The following ZNF236 variants were observed in gnomAD, a reference collection of about 807,000 sequenced individuals.
The protein encoded by ZNF236 is zinc finger protein 236, also known as regulated by glucose.
ZNF236 carries 50 observed loss-of-function variants against 191.2 expected under a neutral mutation model. That is an observed-to-expected ratio of 0.26 (90% CI 0.21 to 0.33). The LOEUF (loss-of-function observed/expected upper bound fraction) is 0.33. Among genes scored for constraint, ZNF236 ranks in the 10% least tolerant of loss-of-function variants. ZNF236 has a pLI of 1.00. For missense variants in ZNF236, 1,754 were observed against 2,374.5 expected (o/e 0.74, Z 5.43); for synonymous variants, 907 against 928.8 (o/e 0.98, Z 0.43).
At chr18:76,891,301 G>T (rs1227336015) in intron 9 of ZNF236, among the ~76,000 whole-genome samples, 2 of 152,108 alleles carry the variant, frequency 1.3e-5, no homozygotes, top group South Asian at 2.1e-4. Context: ...ATGACTTTAG[G>T]CTTGGGTGAT....
chr18:76,837,445 T>TA (rs1344476982), intron 1 of ZNF236, among the ~76,000 whole-genome samples: 1 of 143,962 alleles, frequency 6.9e-6, no homozygotes, highest in Non-Finnish European at 1.5e-5. Flanking sequence ...TTCTTTTTTT[T>TA]TTTTTTTTTT....
chr18:76,908,347 G>T lies in ZNF236; in HGVS notation c.2325G>T (p.Gln775His). ...ATGAGCTTGCCCAGCAGCTCCAACAGCATCAGCAGGCAGCCTCGATAGATG... is the reference window on the plus strand; with the variant it reads ...ATGAGCTTGCCCAGCAGCTCCAACATCATCAGCAGGCAGCCTCGATAGATG... ...HRYELAQQLQ[Q>H]HQQAASIDDS... Residue 775 changes from glutamine (Q) to histidine (H), a missense_variant, in exon 14 of 31, where the codon CAG (glutamine) becomes CAT (histidine). Gln to His is a conservative substitution (Grantham distance 24, BLOSUM62 0). Around this residue, in one of 5 missense-constraint regions of ZNF236, gnomAD observed 641 missense variants for 869.6 expected, o/e 0.74. Coordinates refer to ENST00000320610, the MANE Select transcript of ZNF236 (RefSeq NM_001306089.2). 1 of 1,613,972 alleles carries T rather than the reference G, an allele frequency of 6.2e-7. No individual in the cohort carries two copies. The highest frequency in any genetic ancestry group is 8.5e-7 in the Non-Finnish European group (1 of 1,179,912).
chr18:76,891,895 T>C (rs1488268942), intron 9 of ZNF236, among the ~76,000 whole-genome samples: 2 of 152,212 alleles, frequency 1.3e-5, no homozygotes, highest in Non-Finnish European at 2.9e-5. Flanking sequence ...CTTTGATAAC[T>C]AGAAAGCCAG....
chr18:76,915,553 T>G, intron 18 of ZNF236, 94 bp from the exon 19 acceptor site: 1 of 1,167,972 alleles, frequency 8.6e-7, no homozygotes, highest in Non-Finnish European at 1.3e-6. Flanking sequence ...TTGTAACTTA[T>G]TAAACATATC....
At chr18:76,857,836 G>T (rs116698649) in intron 3 of ZNF236, among the ~76,000 whole-genome samples, 1 of 152,122 alleles carries the variant, frequency 6.6e-6, no homozygotes, top group African/African-American at 2.4e-5. Context: ...TTATAGGCTG[G>T]TATTTTTATT....
intron 20 of ZNF236, 91 bp downstream of exon 20, chr18:76,920,149 A>T: frequency 1.4e-6 from 2 of 1,446,670 alleles, no homozygotes; most frequent in South Asian, 1.4e-5. Context: ...CAGCAGGGCC[A>T]TTAGTTTCTG....
intron 22 of ZNF236, 124 bp from the exon 23 acceptor site, chr18:76,926,913 A>G: frequency 8.6e-7 from 1 of 1,169,510 alleles, no homozygotes; most frequent in Non-Finnish European, 1.2e-6. Context: ...ATTCCACAAC[A>G]ACATTGTATT....
At chr18:76,851,263 CT>C (rs775928958) in intron 2 of ZNF236, among the ~76,000 whole-genome samples, 7,319 of 117,678 alleles carry the variant, frequency 0.062, 174 homozygotes, top group African/African-American at 0.16. Context: ...AGAAAGAAAC[CT>C]TTTTTTTTTT....
At chr18:76,936,689 T>C (rs7230440) in intron 25 of ZNF236, among the ~76,000 whole-genome samples, 1,810 of 152,300 alleles carry the variant, frequency 0.012, 24 homozygotes, top group African/African-American at 0.041. Flanking sequence ...TAGTTATTCC[T>C]CAGTGGATCA....
At chr18:76,914,013 A>G in intron 18 of ZNF236, 115 bp downstream of exon 18, 1 of 1,180,782 alleles carries the variant, frequency 8.5e-7, no homozygotes, top group Non-Finnish European at 1.2e-6. Flanking sequence ...AGTGATTTTT[A>G]GTATGTTCAT....
chr18:76,827,296 C>T (rs1007534003), intron 1 of ZNF236, among the ~76,000 whole-genome samples: 17 of 152,206 alleles, frequency 1.1e-4, no homozygotes, highest in Admixed American at 3.3e-4. Context: ...AGTGATTCTC[C>T]TGCCTCAGCC....
Position 76,849,610 on chromosome 18 carries a change from C to G in ZNF236, c.140C>G (p.Ser47Cys), listed in dbSNP as rs556855521. 1 of 1,610,642 alleles carries G rather than the reference C, an allele frequency of 6.2e-7. No individual in the cohort carries two copies. Among genetic ancestry groups the G allele is most frequent in the South Asian group, 1.1e-5 (1 of 90,140 alleles). The stretch of plus-strand genomic sequence containing the variant: ...CATAAATGTGAAATCTGTCTACTAT[C>G]TTTTCCAAAAGAATCCCAGTTTCAA... ...NFHKCEICLL[S>C]FPKESQFQRH... Residue 47 changes from serine (S) to cysteine (C), a missense_variant, in exon 2 of 31, where the codon TCT becomes TGT. By Grantham distance (112) the Ser-to-Cys change is moderately radical. Around this residue, in one of 5 missense-constraint regions of ZNF236, gnomAD observed 336 missense variants for 495.1 expected, o/e 0.68. Coordinates refer to ENST00000320610, the MANE Select transcript of ZNF236 (RefSeq NM_001306089.2).
rs2122842311 is a variant in ZNF236, at chr18:76,927,444, C to T, written c.4341C>T (p.Pro1447=). The change falls in exon 24 of 31, where the codon CCC becomes CCT. Residue 1447 remains proline, a synonymous_variant. Transcript: ENST00000320610. This position sits in a 1 kb window ranked among gnomAD's most constrained non-coding sequence, Gnocchi z 5.4. The part of the protein sequence containing the change: ...IQPISGLSLQ[P]TVTSANLTIG... ...CCATCTCAGGCCTGTCCTTACAGCC[C>T]ACAGTGACCTCTGCGAACCTGACCA... 1 of 1,614,212 alleles carries T rather than the reference C, an allele frequency of 6.2e-7. No homozygotes were observed. The highest frequency in any genetic ancestry group is 2.2e-5 in the East Asian group (1 of 44,886).
At chr18:76,844,729 G>A (rs1215434650) in intron 1 of ZNF236, among the ~76,000 whole-genome samples, 1 of 152,134 alleles carries the variant, frequency 6.6e-6, no homozygotes, top group East Asian at 1.9e-4. Flanking sequence ...AAGTTTTGTT[G>A]GAACTCGGCA....
intron 13 of ZNF236, among the ~76,000 whole-genome samples, chr18:76,906,281 T>C (rs1340047132): frequency 6.6e-6 from 1 of 152,244 alleles, no homozygotes; most frequent in Non-Finnish European, 1.5e-5. Context: ...CTGAGAAATT[T>C]ACCTGCTGCT....
At chr18:76,845,854 A>G (rs960751650) in intron 1 of ZNF236, among the ~76,000 whole-genome samples, 2 of 152,024 alleles carry the variant, frequency 1.3e-5, no homozygotes, top group African/African-American at 4.8e-5. Context: ...ATCTTAAAAA[A>G]AAAAAAAAAT....
chr18:76,854,919 T>G (rs1019243813), intron 3 of ZNF236, among the ~76,000 whole-genome samples: 5 of 152,138 alleles, frequency 3.3e-5, no homozygotes, highest in South Asian at 2.1e-4. Flanking sequence ...TATAGTTATA[T>G]TTATATTTTT....
At chr18:76,910,941 T>A in intron 16 of ZNF236, 130 bp downstream of exon 16, 1 of 951,070 alleles carries the variant, frequency 1.1e-6, no homozygotes, top group Non-Finnish European at 1.5e-6. Flanking sequence ...GCATTAAGGT[T>A]ACTGCATTAC....
chr18:76,907,977 C>G (rs991828490), intron 13 of ZNF236, among the ~76,000 whole-genome samples: 2 of 152,192 alleles, frequency 1.3e-5, no homozygotes, highest in Non-Finnish European at 2.9e-5. Context: ...TTTCTGAATA[C>G]TTAGACTCAT....
Sources: gnomAD v4.1 joint callset for allele counts (sites outside exome capture counted in the v4.1 genomes callset) on GRCh38, gnomAD v4.1.1 for gene constraint, gnomAD v4.1.1 regional missense constraint, Gnocchi (gnomAD v3.1) non-coding constraint, MANE v1.5 for transcripts, NCBI Gene and HGNC (gene_info 2026-07-23, HGNC 2026-07-21) for gene names.